WWOX: variants seen among roughly 807,000 people sequenced by gnomAD.
The protein encoded by WWOX is WW domain containing oxidoreductase.
In WWOX, 69 loss-of-function variants were observed where a neutral mutation model predicts 46.2. The ratio of observed to expected loss-of-function variants is 1.49; its 90% CI spans 1.23 to 1.82. The LOEUF is 1.82. Among genes scored for constraint, WWOX ranks in the 40% most tolerant of loss-of-function variants. WWOX has a pLI of 0.00. For synonymous variants in WWOX, 359 were observed against 202.6 expected (o/e 1.77, Z -6.56); for missense variants, 919 against 542.6 (o/e 1.69, Z -6.89).
At chr16:78,711,469 T>G (rs2048443551) in intron 8 of WWOX, among the ~76,000 whole-genome samples, 3 of 152,218 alleles carry the variant, frequency 2.0e-5, no homozygotes, top group Non-Finnish European at 4.4e-5. Context: ...TTTTTGTGAA[T>G]GTATCAACTA....
chr16:78,114,877 G>T, intron 3 of WWOX, 99 bp from the exon 4 acceptor site: 2 of 1,486,066 alleles, frequency 1.3e-6, no homozygotes, highest in Non-Finnish European at 1.9e-6. Context: ...AAGCATTTTG[G>T]TCTATGAAAA....
intron 8 of WWOX, among the ~76,000 whole-genome samples, chr16:78,524,146 G>A (rs1302728690): frequency 1.3e-5 from 2 of 152,102 alleles, no homozygotes; most frequent in African/African-American, 4.8e-5. Context: ...ATGTGTTTGG[G>A]TTGATTCCCT....
At chr16:78,537,847 C>T (rs2043796294) in intron 8 of WWOX, among the ~76,000 whole-genome samples, 1 of 152,054 alleles carries the variant, frequency 6.6e-6, no homozygotes, top group African/African-American at 2.4e-5. Flanking sequence ...TTGGTGCCAC[C>T]CGGCAGTGGA....
intron 5 of WWOX, among the ~76,000 whole-genome samples, chr16:78,353,456 G>T (rs1457605536): frequency 6.6e-6 from 1 of 152,188 alleles, no homozygotes; most frequent in Admixed American, 6.5e-5. Flanking sequence ...AAATCATCCA[G>T]CAGCAGTGCC....
chr16:78,149,975 G>T (rs2034342360), intron 4 of WWOX, among the ~76,000 whole-genome samples: 1 of 152,112 alleles, frequency 6.6e-6, no homozygotes, highest in Non-Finnish European at 1.5e-5. Context: ...ACCCCAGCTT[G>T]GTGTCCTACA....
At chr16:79,155,049 T>C (rs2050353851) in intron 8 of WWOX, among the ~76,000 whole-genome samples, 1 of 152,236 alleles carries the variant, frequency 6.6e-6, no homozygotes. Flanking sequence ...TTCTAGATTC[T>C]TCTAGATTCT....
intron 5 of WWOX, among the ~76,000 whole-genome samples, chr16:78,277,873 C>T (rs769530948): frequency 6.6e-6 from 1 of 152,132 alleles, no homozygotes; most frequent in African/African-American, 2.4e-5. Flanking sequence ...CAAAATATTA[C>T]GAATCATAGC....
chr16:78,244,132 G>C (rs1024410551), intron 5 of WWOX, among the ~76,000 whole-genome samples: 1 of 152,164 alleles, frequency 6.6e-6, no homozygotes, highest in African/African-American at 2.4e-5. Context: ...TGCAATGGTG[G>C]GTAGGTCCCT....
intron 8 of WWOX, among the ~76,000 whole-genome samples, chr16:78,633,894 G>A (rs1363999359): frequency 6.6e-6 from 1 of 150,762 alleles, no homozygotes; most frequent in Non-Finnish European, 1.5e-5. Flanking sequence ...ACCATCTGAG[G>A]TGTTTTTTTT....
intron 5 of WWOX, among the ~76,000 whole-genome samples, chr16:78,326,221 T>C (rs2080610622): frequency 6.6e-6 from 1 of 152,210 alleles, no homozygotes; most frequent in African/African-American, 2.4e-5. Flanking sequence ...ACCTGAATTA[T>C]GGGGATGCTC....
intron 8 of WWOX, among the ~76,000 whole-genome samples, chr16:78,608,519 C>T (rs546806034): frequency 6.6e-6 from 1 of 152,264 alleles, no homozygotes; most frequent in African/African-American, 2.4e-5. Flanking sequence ...GTTCTCCCTG[C>T]TGTTGGGAGG....
At chr16:78,725,490 G>T (rs1465696452) in intron 8 of WWOX, among the ~76,000 whole-genome samples, 1 of 150,378 alleles carries the variant, frequency 6.6e-6, no homozygotes, top group South Asian at 2.1e-4. Context: ...TGGGATTATA[G>T]GCATCTGCCA....
intron 8 of WWOX, among the ~76,000 whole-genome samples, chr16:79,143,056 G>A (rs996147414): frequency 1.4e-5 from 2 of 147,822 alleles, no homozygotes; most frequent in Non-Finnish European, 3.0e-5. Flanking sequence ...AAAAATAAAG[G>A]AAAGAGAACG....
intron 6 of WWOX, among the ~76,000 whole-genome samples, chr16:78,411,253 G>T (rs1052986594): frequency 6.6e-6 from 1 of 152,144 alleles, no homozygotes; most frequent in Non-Finnish European, 1.5e-5. Flanking sequence ...CAGTGCGTTT[G>T]AGATCCATGT....
chr16:78,977,066 C>A (rs1567453836), intron 8 of WWOX, among the ~76,000 whole-genome samples: 3 of 152,200 alleles, frequency 2.0e-5, no homozygotes. Context: ...ACGCACACGT[C>A]AACACAGGAA....
chr16:78,821,961 C>T (rs1447182491), intron 8 of WWOX, among the ~76,000 whole-genome samples: 2 of 152,132 alleles, frequency 1.3e-5, no homozygotes, highest in African/African-American at 4.8e-5. Flanking sequence ...ACAGCAGCCT[C>T]GACCTACCAG....
intron 8 of WWOX, among the ~76,000 whole-genome samples, chr16:78,765,363 G>A (rs1158316211): frequency 6.6e-6 from 1 of 152,214 alleles, no homozygotes; most frequent in Non-Finnish European, 1.5e-5. Context: ...CAGGAAGCAG[G>A]TGAGAGGCCC....
intron 3 of WWOX, among the ~76,000 whole-genome samples, chr16:78,111,006 A>T (rs1018128506): frequency 4.8e-4 from 70 of 147,244 alleles, no homozygotes; most frequent in African/African-American, 1.6e-3. Flanking sequence ...TTGAGCAGGA[A>T]TTTTTTTTTT....
At chr16:79,199,421 C>T (rs191856745) in intron 8 of WWOX, among the ~76,000 whole-genome samples, 1 of 152,112 alleles carries the variant, frequency 6.6e-6, no homozygotes, top group Non-Finnish European at 1.5e-5. Flanking sequence ...ATCTATCATG[C>T]GTAAGGTGGA....
Sources: gnomAD v4.1 joint callset for allele counts (sites outside exome capture counted in the v4.1 genomes callset) on GRCh38, gnomAD v4.1.1 for gene constraint, MANE v1.5 for transcripts, NCBI Gene and HGNC (gene_info 2026-07-23, HGNC 2026-07-21) for gene names.